The following DEGS2 variants were observed in gnomAD, a reference collection of about 807,000 sequenced individuals.
DEGS2 encodes sphingolipid delta(4)-desaturase/C4-monooxygenase DES2.
Under a neutral mutation model 23.8 loss-of-function variants are expected in DEGS2, and 19 were observed. The ratio of observed to expected loss-of-function variants is 0.80; its 90% CI spans 0.56 to 1.17. The LOEUF is 1.17. DEGS2 is among the 50% of genes most tolerant of loss of function. The pLI, the probability that DEGS2 is intolerant of heterozygous loss-of-function variation, is 0.00. For synonymous variants in DEGS2, 218 were observed against 213.7 expected, an observed-to-expected ratio of 1.02 and a Z score of -0.18; for missense variants, 390 against 459.5, an observed-to-expected ratio of 0.85 and a Z score of 1.38.
intron 2 of DEGS2, among the ~76,000 whole-genome samples, chr14:100,148,183 G>A (rs192480246): frequency 7.9e-5 from 12 of 152,278 alleles, no homozygotes; most frequent in Admixed American, 1.3e-4. Flanking sequence ...ATGCGTGTGC[G>A]CACGCCCAGG....
In DEGS2 at chr14:100,151,038, C is replaced by T. The variant is rs774861787; in HGVS notation, c.83-1328G>A. Among the ~76,000 whole-genome samples, 198 of 152,326 alleles carry T rather than the reference C, an allele frequency of 1.3e-3. 4 individuals carry two copies. The highest frequency in any genetic ancestry group is 4.6e-4 in the Non-Finnish European group (31 of 68,028). ...ACTCTGGGCTGTTTCCAGTGTGGCA[C>T]ATCTGGCAAGAGGCCTAGTGCAGGC... On this transcript the variant is annotated intron_variant, in intron 1 of 2. Coordinates refer to ENST00000305631, the MANE Select transcript of DEGS2 (RefSeq NM_206918.3).
At chr14:100,147,907 C>T (rs1889481269) in intron 2 of DEGS2, among the ~76,000 whole-genome samples, 1 of 152,072 alleles carries the variant, frequency 6.6e-6, no homozygotes, top group African/African-American at 2.4e-5. Flanking sequence ...GAGGCGGGCA[C>T]CTCTCCCCCG....
chr14:100,166,862 G>A, the DEGS2 span, among the ~76,000 whole-genome samples: 2 of 152,196 alleles, frequency 1.3e-5, no homozygotes, highest in Non-Finnish European at 2.9e-5. Context: ...CGTGGCTCAC[G>A]CCTGTAATCC....
intron 2 of DEGS2, among the ~76,000 whole-genome samples, chr14:100,147,673 G>T (rs1157095015): frequency 3.9e-4 from 23 of 59,092 alleles, no homozygotes; most frequent in Non-Finnish European, 1.2e-4. Context: ...CCCCCCCCAG[G>T]ATGCCTTTCC....
chr14:100,146,896 G>C lies in DEGS2; in HGVS notation c.837C>G (p.Ile279Met), dbSNP rs760013835. ...GCAGGTGGTCGTAGTACTCGGGCGCGATCTTCCGCACCTGTAGAGAGGAGG... is the reference window on the plus strand; with the variant it reads ...GCAGGTGGTCGTAGTACTCGGGCGCCATCTTCCGCACCTGTAGAGAGGAGG... Reference protein sequence around the residue: ...PGYNLPLVRKIAPEYYDHLPQ... With the variant: ...PGYNLPLVRKMAPEYYDHLPQ... The change falls in exon 3 of 3, where the codon ATC becomes ATG. Residue 279 changes from isoleucine (I) to methionine (M), a missense_variant. Physicochemically the swap from Ile to Met is conservative, Grantham distance 10. Coordinates refer to ENST00000305631, the MANE Select transcript of DEGS2 (RefSeq NM_206918.3). 3.7e-6 allele frequency: 6 copies of C among 1,612,624 alleles called. No individual in the cohort carries two copies. The highest frequency in any genetic ancestry group is 1.7e-5 in the Admixed American group (1 of 59,930).
upstream of DEGS2, chr14:100,159,656 G>A: frequency 2.8e-6 from 3 of 1,079,668 alleles, no homozygotes; most frequent in African/African-American, 1.7e-5. Flanking sequence ...GGCGGCCGCG[G>A]CGCGGAACCA....
chr14:100,147,658 G>C (rs865928702), intron 2 of DEGS2, among the ~76,000 whole-genome samples: 489 of 81,280 alleles, frequency 6.0e-3, no homozygotes, highest in Non-Finnish European at 7.4e-3. Flanking sequence ...TGCCCTCCCT[G>C]CCCCCCCCCC....
intron 1 of DEGS2, among the ~76,000 whole-genome samples, chr14:100,151,918 TGGGA>T (rs1345917370): frequency 6.6e-6 from 1 of 150,804 alleles, no homozygotes; most frequent in Non-Finnish European, 1.5e-5. Context: ...CCTGGGGGAG[TGGGA>T]GTGGGGACGT....
At chr14:100,163,486 A>G (rs868817603), upstream of DEGS2, among the ~76,000 whole-genome samples, 13 of 152,122 alleles carry the variant, frequency 8.5e-5, no homozygotes, top group African/African-American at 3.1e-4. Flanking sequence ...ACACCCCTCT[A>G]TTGAAACGGA....
Position 100,149,320 on chromosome 14 carries a change from C to G in DEGS2, c.473G>C (p.Arg158Pro). The G allele has an allele frequency of 1.9e-6, 3 of 1,611,660 alleles. No individual in the cohort carries two copies. Among genetic ancestry groups the G allele is most frequent in the Non-Finnish European group, 2.5e-6 (3 of 1,179,338 alleles). ...CTGCAGCACCAGCCAGAGCAGCTTG[C>G]GGGCGGGTGTGCAGAAGAACCAGCC... ...LEGWFFCTPA[R>P]KLLWLVLQPF... is the part of the protein sequence containing the mutation. Residue 158 changes from arginine (R) to proline (P), a missense_variant, in exon 2 of 3, where the codon CGC (arginine) becomes CCC (proline). Transcript: ENST00000305631.
At chr14:100,161,348 A>G (rs777093579), upstream of DEGS2, among the ~76,000 whole-genome samples, 21 of 152,204 alleles carry the variant, frequency 1.4e-4, no homozygotes, top group Non-Finnish European at 2.2e-4. Context: ...GTCAGAGGAC[A>G]TGCTGAAGAA....
At position 100,146,735 on chromosome 14, in the gene DEGS2, G is replaced by A; in HGVS notation, c.*26C>T. On this transcript the variant is annotated 3_prime_UTR_variant, in exon 3 of 3. Transcript: ENST00000305631. ...GGCTGAGGGGCCGATGGGGGACAAT[G>A]GCCACCACCAGGAGGCAGCCCGGGC... The A allele has an allele frequency of 1.2e-6, 2 of 1,610,416 alleles. No homozygotes were observed. The highest frequency in any genetic ancestry group is 1.1e-5 in the South Asian group (1 of 90,698).
At chr14:100,164,610 C>T (rs1234033825), upstream of DEGS2, among the ~76,000 whole-genome samples, 1 of 152,116 alleles carries the variant, frequency 6.6e-6, no homozygotes, top group Non-Finnish European at 1.5e-5. Flanking sequence ...GCACTCCAGC[C>T]TGGGCAACAA....
chr14:100,147,216 G>GCCCAGGACGCTGTGGCAGAGGCA (rs1889465437), intron 2 of DEGS2, among the ~76,000 whole-genome samples: 1 of 152,178 alleles, frequency 6.6e-6, no homozygotes, highest in Non-Finnish European at 1.5e-5. Flanking sequence ...CCTGAACTGC[G>GCCCAGGACGCTGTGGCAGAGGCA]CCCAGGACGC....
chr14:100,166,817 C>T, the DEGS2 span, among the ~76,000 whole-genome samples: 1 of 152,168 alleles, frequency 6.6e-6, no homozygotes, highest in Non-Finnish European at 1.5e-5. Flanking sequence ...GCCATTCTAA[C>T]AGGCTTTGCT....
At chr14:100,152,412 A>G (rs1201019236) in intron 1 of DEGS2, among the ~76,000 whole-genome samples, 3 of 152,180 alleles carry the variant, frequency 2.0e-5, no homozygotes, top group Non-Finnish European at 4.4e-5. Context: ...GTGTCTGTCA[A>G]GGTGTTTCCA....
At chr14:100,153,294 G>GATAGATAGATAGAT (rs1555365198) in intron 1 of DEGS2, among the ~76,000 whole-genome samples, 1 of 142,268 alleles carries the variant, frequency 7.0e-6, no homozygotes, top group East Asian at 2.8e-4. Flanking sequence ...TAGATAGATA[G>GATAGATAGATAGAT]ATAGATAGAT....
At chr14:100,153,610 C>A (rs1337842289) in intron 1 of DEGS2, among the ~76,000 whole-genome samples, 2 of 152,264 alleles carry the variant, frequency 1.3e-5, no homozygotes, top group African/African-American at 4.8e-5. Context: ...CTCTGTCCTG[C>A]TGTGGGCACT....
intron 1 of DEGS2, among the ~76,000 whole-genome samples, chr14:100,151,729 GA>G (rs1889575754): frequency 6.6e-6 from 1 of 152,206 alleles, no homozygotes; most frequent in Non-Finnish European, 1.5e-5. Flanking sequence ...CCACTGGGCA[GA>G]AAGGCCTCAC....
Sources: gnomAD v4.1 joint callset for allele counts (sites outside exome capture counted in the v4.1 genomes callset) on GRCh38, gnomAD v4.1.1 for gene constraint, MANE v1.5 for transcripts, NCBI Gene and HGNC (gene_info 2026-07-23, HGNC 2026-07-21) for gene names.